PRRC2B: variants seen among roughly 807,000 people sequenced by gnomAD.
PRRC2B encodes the protein proline rich coiled-coil 2B.
In PRRC2B, 68 loss-of-function variants were observed where a neutral mutation model predicts 242.3. That is an observed-to-expected ratio of 0.28 (90% CI 0.23 to 0.34). PRRC2B has a LOEUF of 0.34. Ranked by LOEUF, PRRC2B falls within the 10% of genes least tolerant of loss-of-function variation. The pLI is 1.00. For missense variants in PRRC2B, 2,835 were observed against 2,954.8 expected (o/e 0.96, Z 0.94); for synonymous variants, 1,228 against 1,173.6 (o/e 1.05, Z -0.95).
chr9:131,454,958 A>T, intron 9 of PRRC2B, 118 bp from the exon 10 acceptor site: 1 of 725,988 alleles, frequency 1.4e-6, no homozygotes. Context: ...TCCTGTCCTC[A>T]TGATCCGCCC....
intron 16 of PRRC2B, 103 bp downstream of exon 16, chr9:131,476,638 G>C: frequency 9.2e-7 from 1 of 1,086,056 alleles, no homozygotes; most frequent in Non-Finnish European, 1.3e-6. Context: ...CGGGGCTGGG[G>C]GCCTGCCCCC....
chr9:131,497,260 GCCTCCGGGAGGGCAGCTTC>G lies in PRRC2B; in HGVS notation c.*1387_*1405del, dbSNP rs1944358256. 6.6e-6 allele frequency: 1 copy of G among 152,266 alleles called. No homozygotes were observed. The highest frequency in any genetic ancestry group is 1.5e-5 in the Non-Finnish European group (1 of 68,072). 9.4% of individuals were successfully genotyped at this position (152,266 alleles called of 1,614,324 possible). A position where few individuals can be genotyped will look rare whatever the true frequency, so the allele number is the denominator to read the frequency against. The stretch of plus-strand genomic sequence containing the variant: ...GACCAAGGTCCAAAGGGCCTGCGCA[GCCTCCGGGAGGGCAGCTTC>G]TCCAGCCAGAGGCTTGTGTGAGCCA... On this transcript the variant is annotated 3_prime_UTR_variant, in exon 32 of 32. Coordinates refer to ENST00000683519, the MANE Select transcript of PRRC2B (RefSeq NM_013318.4).
intron 28 of PRRC2B, 67 bp from the exon 29 acceptor site, chr9:131,491,358 T>C (rs1944188711): frequency 1.4e-6 from 2 of 1,463,424 alleles, no homozygotes; most frequent in Non-Finnish European, 1.8e-6. Flanking sequence ...GTGCGGTCGC[T>C]CTTTGGTGCG....
At chr9:131,421,483 C>T (rs899328415) in intron 1 of PRRC2B, among the ~76,000 whole-genome samples, 3 of 152,194 alleles carry the variant, frequency 2.0e-5, no homozygotes, top group Non-Finnish European at 4.4e-5. Context: ...AGCGTTTATC[C>T]AGCCTGCTAT....
rs1056445206 is a variant in PRRC2B at position 131,394,262 on chromosome 9, A to C, written c.-53A>C. On this transcript the variant is annotated splice_region_variant and 5_prime_UTR_variant, in exon 1 of 32. Transcript: ENST00000683519. ...CCGGCCGCGCCCGCGGAACCAGACC[A>C]GGTGGGTCGGGGCCGGGGCCGGGGC... 1.4e-5 allele frequency: 2 copies of C among 145,204 alleles called. No individual in the cohort carries two copies. The highest frequency in any genetic ancestry group is 5.0e-5 in the African/African-American group (2 of 40,176). 9.0% of individuals were successfully genotyped at this position (145,204 alleles called of 1,614,324 possible).
chr9:131,426,637 C>T (rs920766809), intron 1 of PRRC2B, among the ~76,000 whole-genome samples: 2 of 152,158 alleles, frequency 1.3e-5, no homozygotes, highest in Admixed American at 6.5e-5. Flanking sequence ...GTGGGACTGA[C>T]TCCCATTCTG....
In PRRC2B at chr9:131,498,999, T is replaced by C. The variant is rs1944400996; in HGVS notation, c.*3125T>C. ...TTTTGTTTTTTTTTAAACATTCATA[T>C]TGTTTTCAAACTTGGAATTCATAGA... On this transcript the variant is annotated 3_prime_UTR_variant, in exon 32 of 32. Coordinates refer to ENST00000683519, the MANE Select transcript of PRRC2B (RefSeq NM_013318.4). 6.6e-6 allele frequency: 1 copy of C among 152,238 alleles called. No homozygotes were observed. The highest frequency in any genetic ancestry group is 2.4e-5 in the African/African-American group (1 of 41,456). 9.4% of individuals were successfully genotyped at this position (152,238 alleles called of 1,614,324 possible).
Position 131,495,802 on chromosome 9 carries a change from G to C in PRRC2B, c.6618G>C (p.Ser2206=). 6.2e-7 allele frequency: 1 copy of C among 1,613,034 alleles called. No homozygotes were observed. Among genetic ancestry groups the C allele is most frequent in the Non-Finnish European group, 8.5e-7 (1 of 1,179,118 alleles). ...LGAVKLQEAP[S]AASQMKRTGA... is the part of the protein sequence containing the mutation. ...CCGTGAAGCTGCAGGAGGCCCCCTC[G>C]GCTGCCTCCCAGATGAAGCGAACCG... is the stretch of plus-strand genomic sequence containing the variant. The change falls in exon 32 of 32, where the codon TCG becomes TCC. Residue 2206 remains serine, a synonymous_variant. Coordinates refer to ENST00000683519, the MANE Select transcript of PRRC2B (RefSeq NM_013318.4).
At chr9:131,394,844 G>A (rs981163363) in intron 1 of PRRC2B, among the ~76,000 whole-genome samples, 3 of 152,040 alleles carry the variant, frequency 2.0e-5, no homozygotes, top group Non-Finnish European at 4.4e-5. Context: ...GCGAGCGGCC[G>A]CCCAGTCTCG....
chr9:131,445,243 CTCCGCCTCCCGGGTTCAAG>C (rs1838759178), intron 6 of PRRC2B, among the ~76,000 whole-genome samples: 9 of 152,122 alleles, frequency 5.9e-5, no homozygotes, highest in Admixed American at 5.9e-4. Flanking sequence ...TCACTGCAAC[CTCCGCCTCCCGGGTTCAAG>C]TGATTCTCCT....
chr9:131,438,420 AC>A (rs1838445805), intron 4 of PRRC2B, among the ~76,000 whole-genome samples: 1 of 151,880 alleles, frequency 6.6e-6, no homozygotes, highest in Non-Finnish European at 1.5e-5. Flanking sequence ...CATAATGCTG[AC>A]CCTGGCGAGT....
intron 11 of PRRC2B, 106 bp from the exon 12 acceptor site, chr9:131,464,657 A>G: frequency 1.0e-6 from 1 of 983,618 alleles, no homozygotes; most frequent in Non-Finnish European, 1.5e-6. Flanking sequence ...CTGCCTCTTG[A>G]AGGTGCTTGA....
At chr9:131,465,192 C>T (rs1391128643) in intron 12 of PRRC2B, 114 bp downstream of exon 12, 28 of 1,034,866 alleles carry the variant, frequency 2.7e-5, no homozygotes, top group South Asian at 2.5e-4. Context: ...ACAACGAGAT[C>T]GTATTGGGAA....
At chr9:131,407,433 C>A (rs1837395782) in intron 1 of PRRC2B, among the ~76,000 whole-genome samples, 1 of 151,428 alleles carries the variant, frequency 6.6e-6, no homozygotes, top group Admixed American at 6.6e-5. Context: ...CCTTTTCCCA[C>A]CGTTCTGAAG....
At chr9:131,407,447 C>T (rs189563320) in intron 1 of PRRC2B, among the ~76,000 whole-genome samples, 1 of 151,570 alleles carries the variant, frequency 6.6e-6, no homozygotes, top group Non-Finnish European at 1.5e-5. Flanking sequence ...TCTGAAGTCA[C>T]AGCTTGGCGT....
At chr9:131,398,484 G>T (rs1367434035) in intron 1 of PRRC2B, among the ~76,000 whole-genome samples, 3 of 152,182 alleles carry the variant, frequency 2.0e-5, no homozygotes, top group Non-Finnish European at 4.4e-5. Flanking sequence ...TCTTGTACAG[G>T]ACTTCCTTCC....
intron 3 of PRRC2B, among the ~76,000 whole-genome samples, chr9:131,434,933 C>A (rs1025942125): frequency 8.5e-5 from 13 of 152,084 alleles, no homozygotes; most frequent in Admixed American, 3.9e-4. Flanking sequence ...ATCTTTTGAT[C>A]CAGCATTTCC....
chr9:131,394,279 G>T lies in PRRC2B; in HGVS notation c.-52+16G>T. 6.8e-6 allele frequency: 1 copy of T among 147,452 alleles called. No individual in the cohort carries two copies. Among genetic ancestry groups the T allele is most frequent in the South Asian group, 1.8e-4 (1 of 5,530 alleles). The allele number at this position is 147,452 out of a possible 1,614,324, so 9.1% of individuals were successfully genotyped here. A position where few individuals can be genotyped will look rare whatever the true frequency, so the allele number is the denominator to read the frequency against. On this transcript the variant is annotated intron_variant, in intron 1 of 31. Coordinates refer to ENST00000683519, the MANE Select transcript of PRRC2B (RefSeq NM_013318.4). ...ACCAGACCAGGTGGGTCGGGGCCGG[G>T]GCCGGGGCCGGGGCGTGGGGGCGGC...
chr9:131,384,264 TTGTA>T (rs72496921), intron 1 of PRRC2B, among the ~76,000 whole-genome samples: 1,930 of 149,228 alleles, frequency 0.013, 43 homozygotes, highest in African/African-American at 0.043. Flanking sequence ...TGGCTAATTT[TTGTA>T]TGTATGTATG....
Sources: allele counts gnomAD v4.1 joint callset (sites outside exome capture counted in the v4.1 genomes callset), GRCh38; gene constraint gnomAD v4.1.1; transcripts MANE v1.5; gene names NCBI Gene and HGNC (gene_info 2026-07-23, HGNC 2026-07-21).